Variants in RAB33B observed in about 807,000 individuals in gnomAD.
The protein encoded by RAB33B is RAB33B, member RAS oncogene family, also known as ras-related protein Rab-33B.
RAB33B carries 6 observed loss-of-function variants against 15.0 expected under a neutral mutation model. The ratio of observed to expected loss-of-function variants is 0.40; its 90% CI spans 0.22 to 0.79. The LOEUF (loss-of-function observed/expected upper bound fraction) is 0.79. Among genes scored for constraint, RAB33B ranks in the 30% least tolerant of loss-of-function variants. The probability of loss-of-function intolerance (pLI) is 0.37; values close to 1 mark genes in which losing one functional copy is unlikely to be tolerated. For synonymous variants in RAB33B, 117 were observed against 108.3 expected (o/e 1.08, Z -0.50); for missense variants, 257 against 296.4 (o/e 0.87, Z 0.98).
intron 1 of RAB33B, among the ~76,000 whole-genome samples, chr4:139,457,831 AGGTT>A (rs1470778115): frequency 1.3e-5 from 2 of 152,202 alleles, no homozygotes; most frequent in Non-Finnish European, 2.9e-5. Context: ...AAATTCACCT[AGGTT>A]GTACTACTTT....
chr4:139,453,410 T>C (rs1439519719), upstream of RAB33B: 1 of 152,286 alleles, frequency 6.6e-6, no homozygotes, highest in African/African-American at 2.4e-5. Flanking sequence ...GCAATGCGCC[T>C]GCCAAGACCT....
intron 1 of RAB33B, among the ~76,000 whole-genome samples, chr4:139,455,174 G>A (rs187492754): frequency 1.2e-4 from 19 of 152,284 alleles, no homozygotes; most frequent in African/African-American, 3.4e-4. Context: ...AGGTAGTATA[G>A]GCCCCAGGGC....
intron 1 of RAB33B, among the ~76,000 whole-genome samples, 188 bp from the exon 2 acceptor site, chr4:139,472,493 ATAATT>A (rs1047285721): frequency 6.6e-6 from 1 of 152,244 alleles, no homozygotes; most frequent in Non-Finnish European, 1.5e-5. Flanking sequence ...CACTTGTATT[ATAATT>A]TAATTGTGAG....
chr4:139,459,078 TC>T (rs1164428535), intron 1 of RAB33B, among the ~76,000 whole-genome samples: 4 of 150,122 alleles, frequency 2.7e-5, no homozygotes, highest in African/African-American at 9.8e-5. Flanking sequence ...TCTGTTCATG[TC>T]CTTTGCCCTC....
the RAB33B span, among the ~76,000 whole-genome samples, chr4:139,441,969 C>A: frequency 6.6e-6 from 1 of 152,086 alleles, no homozygotes; most frequent in African/African-American, 2.4e-5. Context: ...ACTACTTTGG[C>A]TGAACTCTCA....
At chr4:139,467,160 G>T (rs929354147) in intron 1 of RAB33B, among the ~76,000 whole-genome samples, 1 of 150,150 alleles carries the variant, frequency 6.7e-6, no homozygotes. Context: ...GTAGAGATGG[G>T]GTTTCACCAT....
chr4:139,440,529 C>T, the RAB33B span, among the ~76,000 whole-genome samples: 444 of 152,238 alleles, frequency 2.9e-3, 1 homozygote, highest in African/African-American at 9.6e-3. Flanking sequence ...GCAAACCACT[C>T]TAGGAACATG....
At chr4:139,465,416 GGCTTTTGTTGCCATT>G (rs1750265042) in intron 1 of RAB33B, among the ~76,000 whole-genome samples, 2 of 152,146 alleles carry the variant, frequency 1.3e-5, no homozygotes, top group South Asian at 4.1e-4. Context: ...TGTCTATTTT[GGCTTTTGTTGCCATT>G]GCTTTTGGTG....
upstream of RAB33B, chr4:139,448,658 T>C (rs902513536): frequency 6.6e-6 from 1 of 152,172 alleles, no homozygotes; most frequent in African/African-American, 2.4e-5. Flanking sequence ...TCTCAAGTGA[T>C]CCGCCCAGCT....
In RAB33B at chr4:139,473,396, A is replaced by G; in HGVS notation, c.*270A>G. 1 of 428,298 alleles carries G rather than the reference A, an allele frequency of 2.3e-6. No individual in the cohort carries two copies. The highest frequency in any genetic ancestry group is 6.4e-4 in the Middle Eastern group (1 of 1,574). The allele number at this position is 428,298 out of a possible 1,614,324, so 26.5% of individuals were successfully genotyped here. On this transcript the variant is annotated 3_prime_UTR_variant, in exon 2 of 2. Coordinates refer to ENST00000305626, the MANE Select transcript of RAB33B (RefSeq NM_031296.3). ...TAGAGCCCAATGAAGGAAGCTTCAAATGAGAACATGATGGAATCAGTAACC... is the reference window on the plus strand; with the variant it reads ...TAGAGCCCAATGAAGGAAGCTTCAAGTGAGAACATGATGGAATCAGTAACC...
chr4:139,441,291 A>T, the RAB33B span, among the ~76,000 whole-genome samples: 1 of 152,234 alleles, frequency 6.6e-6, no homozygotes, highest in Admixed American at 6.5e-5. Flanking sequence ...AGGGTTGAGG[A>T]AATAGATTCC....
At chr4:139,454,736 G>A (rs1478960595) in intron 1 of RAB33B, among the ~76,000 whole-genome samples, 2 of 152,204 alleles carry the variant, frequency 1.3e-5, no homozygotes, top group Non-Finnish European at 2.9e-5. Context: ...CACACTTTGA[G>A]TTCAGGAGTG....
Position 139,476,169 on chromosome 4 carries a change from G to A in RAB33B, c.*3043G>A, listed in dbSNP as rs763896311. ...TTTGTGTGTTTTAGTAATCCAGCTT[G>A]TTTTAGAATAGTTCAGTGCAAAAAG... On this transcript the variant is annotated 3_prime_UTR_variant, in exon 2 of 2. Transcript: ENST00000305626. 7.9e-5 allele frequency: 12 copies of A among 152,178 alleles called. No homozygotes were observed. Among genetic ancestry groups the A allele is most frequent in the Non-Finnish European group, 1.5e-4 (10 of 68,030 alleles). The allele number at this position is 152,178 out of a possible 1,614,324, so 9.4% of individuals were successfully genotyped here.
upstream of RAB33B, chr4:139,453,045 G>A (rs1749962365): frequency 6.6e-6 from 1 of 152,148 alleles, no homozygotes; most frequent in East Asian, 1.9e-4. Flanking sequence ...TTAAGGTTGG[G>A]GGTTTAATCT....
At chr4:139,467,954 T>C (rs1282991742) in intron 1 of RAB33B, among the ~76,000 whole-genome samples, 1 of 130,290 alleles carries the variant, frequency 7.7e-6, no homozygotes, top group African/African-American at 2.9e-5. Flanking sequence ...TCTTATTCAT[T>C]CTTTCTGTTT....
chr4:139,467,087 A>G (rs1266032523), intron 1 of RAB33B, among the ~76,000 whole-genome samples: 12 of 140,174 alleles, frequency 8.6e-5, no homozygotes, highest in Non-Finnish European at 1.2e-4. Context: ...TCCCACCTCA[A>G]CCTCCCAAGT....
the RAB33B span, among the ~76,000 whole-genome samples, chr4:139,447,727 T>A: frequency 3.5e-3 from 467 of 135,074 alleles, 3 homozygotes; most frequent in African/African-American, 0.012. Flanking sequence ...AGTGCAGTGG[T>A]GGGATCTCGG....
At chr4:139,464,402 T>G (rs925066303) in intron 1 of RAB33B, among the ~76,000 whole-genome samples, 24 of 148,710 alleles carry the variant, frequency 1.6e-4, no homozygotes, top group African/African-American at 3.5e-4. Context: ...TTTTTTTTTT[T>G]TTTTTTTTTT....
At chr4:139,444,359 G>A in the RAB33B span, among the ~76,000 whole-genome samples, 1 of 152,172 alleles carries the variant, frequency 6.6e-6, no homozygotes, top group African/African-American at 2.4e-5. Context: ...TGGGATGGTG[G>A]AGTGGATTAG....
Sources: allele counts gnomAD v4.1 joint callset (sites outside exome capture counted in the v4.1 genomes callset), GRCh38; gene constraint gnomAD v4.1.1; transcripts MANE v1.5; gene names NCBI Gene and HGNC (gene_info 2026-07-23, HGNC 2026-07-21).